The following ELOVL5 variants were observed in gnomAD, a reference collection of about 807,000 sequenced individuals.
ELOVL5 encodes ELOVL fatty acid elongase 5.
Under a neutral mutation model 38.6 loss-of-function variants are expected in ELOVL5, and 8 were observed. That is an observed-to-expected ratio of 0.21 (90% confidence interval 0.12 to 0.37). The LOEUF (loss-of-function observed/expected upper bound fraction) is 0.37. Ranked by LOEUF, ELOVL5 falls within the 10% of genes least tolerant of loss-of-function variation. The probability of loss-of-function intolerance (pLI) is 1.00; values close to 1 mark genes in which losing one functional copy is unlikely to be tolerated. For missense variants in ELOVL5, 280 were observed against 367.8 expected, an observed-to-expected ratio of 0.76 and a Z score of 1.95; for synonymous variants, 127 against 133.7, an observed-to-expected ratio of 0.95 and a Z score of 0.34.
chr6:53,348,684 G>C, intron 1 of ELOVL5, 133 bp downstream of exon 1: 1 of 358,210 alleles, frequency 2.8e-6, no homozygotes, highest in South Asian at 1.9e-5. Flanking sequence ...GGGTTGCCCC[G>C]GCAGCTCTTT....
intron 1 of ELOVL5, among the ~76,000 whole-genome samples, chr6:53,337,997 T>C (rs1037243125): frequency 7.9e-5 from 12 of 152,244 alleles, no homozygotes; most frequent in Admixed American, 5.2e-4. Flanking sequence ...CCTGACTACG[T>C]TGGCCAACAG....
intron 6 of ELOVL5, among the ~76,000 whole-genome samples, chr6:53,272,870 T>C (rs967711629): frequency 1.3e-5 from 2 of 152,130 alleles, no homozygotes; most frequent in African/African-American, 4.8e-5. Flanking sequence ...CCTGGAAACA[T>C]ACAATTTTCA....
At chr6:53,306,062 G>A (rs1270609631) in intron 1 of ELOVL5, among the ~76,000 whole-genome samples, 2 of 151,434 alleles carry the variant, frequency 1.3e-5, no homozygotes, top group Admixed American at 1.3e-4. Context: ...AAACCAGTCA[G>A]GCGTGGCGGC....
rs1765814537 is a variant in ELOVL5 at position 53,268,524 on chromosome 6, C to A, written c.*603G>T. 6.6e-6 allele frequency: 1 copy of A among 152,660 alleles called. No individual in the cohort carries two copies. The highest frequency in any genetic ancestry group is 1.5e-5 in the Non-Finnish European group (1 of 68,024). 9.5% of individuals were successfully genotyped at this position (152,660 alleles called of 1,614,324 possible). ...AGATTTGAGCCTGCTTGATTCAAAGCCAATAGTACAAAACTGAAGGTGCCG... is the reference window on the plus strand; with the variant it reads ...AGATTTGAGCCTGCTTGATTCAAAGACAATAGTACAAAACTGAAGGTGCCG... On this transcript the variant is annotated 3_prime_UTR_variant, in exon 8 of 8. Transcript: ENST00000304434.
At chr6:53,275,713 G>C (rs1033231270) in intron 4 of ELOVL5, among the ~76,000 whole-genome samples, 2 of 152,200 alleles carry the variant, frequency 1.3e-5, no homozygotes, top group African/African-American at 2.4e-5. Context: ...TGCAGTGTCA[G>C]GTCTCTGCCC....
intron 1 of ELOVL5, among the ~76,000 whole-genome samples, chr6:53,312,101 G>T (rs1461811376): frequency 6.6e-6 from 1 of 152,132 alleles, no homozygotes; most frequent in South Asian, 2.1e-4. Context: ...CCTTCTAGAT[G>T]AAACCTTCCG....
chr6:53,306,093 A>C (rs1273363603), intron 1 of ELOVL5, among the ~76,000 whole-genome samples: 4 of 150,896 alleles, frequency 2.7e-5, no homozygotes, highest in African/African-American at 9.7e-5. Context: ...AATTGCAGGC[A>C]CTCGGCAGGC....
At chr6:53,299,257 AG>A (rs1767148139) in intron 1 of ELOVL5, among the ~76,000 whole-genome samples, 1 of 152,250 alleles carries the variant, frequency 6.6e-6, no homozygotes, top group Non-Finnish European at 1.5e-5. Context: ...ATCAAACAGG[AG>A]GAATATGTCT....
intron 1 of ELOVL5, among the ~76,000 whole-genome samples, chr6:53,304,723 CAGAG>C (rs1767411890): frequency 1.3e-5 from 2 of 152,214 alleles, no homozygotes; most frequent in African/African-American, 2.4e-5. Flanking sequence ...GCACATGTTT[CAGAG>C]AGCACAGGGT....
In ELOVL5 at chr6:53,275,275, G is replaced by A. The variant is rs761737559; in HGVS notation, c.325-14C>T. The A allele has an allele frequency of 6.8e-6, 11 of 1,613,260 alleles. No individual in the cohort carries two copies. The highest frequency in any genetic ancestry group is 9.3e-6 in the Non-Finnish European group (11 of 1,179,354). ...GACACGGATAATCTAAGAGGAAAGG[G>A]TCAAAGATTTAAGGCTTATCCTCAC... On this transcript the variant is annotated splice_polypyrimidine_tract_variant and intron_variant, in intron 4 of 7. Coordinates refer to ENST00000304434, the MANE Select transcript of ELOVL5 (RefSeq NM_021814.5).
rs1765986292 is a variant in ELOVL5 at position 53,273,155 on chromosome 6, A to G, written c.621+65T>C. ...ATCTTAGATGCTATTACATAACACT[A>G]AAGCCAGGAAGAGGTCTGTATCCAC... is the stretch of plus-strand genomic sequence containing the variant. On this transcript the variant is annotated intron_variant, in intron 6 of 7. Transcript: ENST00000304434. The G allele has an allele frequency of 4.4e-6, 7 of 1,573,504 alleles. 1 individual carries two copies. The East Asian group carries it at 9.0e-5, about 20-fold the overall frequency.
In ELOVL5 at chr6:53,330,410, A is replaced by C. The variant is rs370669529; in HGVS notation, c.-9+18407T>G. Reference sequence around the variant, plus strand: ...ACACTGTAGACATTATAAATACTACATTGAGGCTAAACACTATGCTGAGGC... The same window carrying C: ...ACACTGTAGACATTATAAATACTACCTTGAGGCTAAACACTATGCTGAGGC... On this transcript the variant is annotated intron_variant, in intron 1 of 7. Coordinates refer to ENST00000304434, the MANE Select transcript of ELOVL5 (RefSeq NM_021814.5). Among the ~76,000 whole-genome samples, 5 of 152,132 alleles carry C rather than the reference A, an allele frequency of 3.3e-5. No homozygotes were observed. In the East Asian group the frequency reaches 5.8e-4, roughly 18 times the overall value.
intron 3 of ELOVL5, chr6:53,287,912 A>C: frequency 6.5e-7 from 1 of 1,535,716 alleles, no homozygotes; most frequent in South Asian, 1.2e-5. Flanking sequence ...CGTGAGGCAC[A>C]GGCAGATCGA....
intron 1 of ELOVL5, among the ~76,000 whole-genome samples, chr6:53,304,765 T>C (rs1767414666): frequency 1.3e-5 from 2 of 152,154 alleles, no homozygotes; most frequent in African/African-American, 4.8e-5. Flanking sequence ...ATCAACAGGA[T>C]CCCAACGCAG....
intron 3 of ELOVL5, among the ~76,000 whole-genome samples, chr6:53,286,078 A>T (rs951880620): frequency 1.4e-4 from 21 of 152,230 alleles, no homozygotes; most frequent in African/African-American, 5.1e-4. Flanking sequence ...CTAATGCTGC[A>T]ATATCTGAGG....
intron 1 of ELOVL5, among the ~76,000 whole-genome samples, chr6:53,339,097 G>C (rs893252443): frequency 6.6e-6 from 1 of 152,204 alleles, no homozygotes; most frequent in African/African-American, 2.4e-5. Flanking sequence ...TGAGTGAGGA[G>C]AGGGAGAAGC....
intron 1 of ELOVL5, among the ~76,000 whole-genome samples, chr6:53,327,793 C>T (rs928054236): frequency 6.6e-6 from 1 of 152,140 alleles, no homozygotes; most frequent in African/African-American, 2.4e-5. Flanking sequence ...GATCTTTTCC[C>T]GTTTCTTTCA....
chr6:53,269,945 C>T (rs1765862636), intron 7 of ELOVL5, among the ~76,000 whole-genome samples: 1 of 152,190 alleles, frequency 6.6e-6, no homozygotes, highest in Admixed American at 6.5e-5. Context: ...TCCTGACCTC[C>T]GTGTTTTGCC....
chr6:53,347,191 T>C (rs1363071126), intron 1 of ELOVL5, among the ~76,000 whole-genome samples: 1 of 152,158 alleles, frequency 6.6e-6, no homozygotes, highest in South Asian at 2.1e-4. Context: ...AAATTTCCCC[T>C]TTGTCTTCAA....
Sources: allele counts gnomAD v4.1 joint callset (sites outside exome capture counted in the v4.1 genomes callset), GRCh38; gene constraint gnomAD v4.1.1; transcripts MANE v1.5; gene names NCBI Gene and HGNC (gene_info 2026-07-23, HGNC 2026-07-21).